The following ZNF804B variants were observed in gnomAD, a reference collection of about 807,000 sequenced individuals.
ZNF804B encodes zinc finger protein 804B.
A neutral mutation model predicts 101.4 loss-of-function variants in ZNF804B; 80 were observed. That is an observed-to-expected ratio of 0.79 (90% CI 0.66 to 0.95). The LOEUF (loss-of-function observed/expected upper bound fraction) is 0.95, where lower values mean the gene tolerates loss of function less well. Ranked by LOEUF, ZNF804B falls within the 40% of genes least tolerant of loss-of-function variation. The pLI is 0.00. For synonymous variants in ZNF804B, 622 were observed against 558.8 expected, an observed-to-expected ratio of 1.11 and a Z score of -1.59; for missense variants, 1,673 against 1,561.9, an observed-to-expected ratio of 1.07 and a Z score of -1.20.
intron 1 of ZNF804B, among the ~76,000 whole-genome samples, chr7:89,108,282 G>A (rs557328702): frequency 4.2e-4 from 63 of 148,618 alleles, no homozygotes; most frequent in African/African-American, 1.2e-3. Context: ...CTTTTATCTC[G>A]ACAGAAAGTA....
chr7:89,052,427 A>G (rs886980382), intron 1 of ZNF804B, among the ~76,000 whole-genome samples: 8 of 152,222 alleles, frequency 5.3e-5, no homozygotes, highest in African/African-American at 9.6e-5. Context: ...TAGATTGCAT[A>G]TATGAAATAG....
At chr7:88,772,922 T>G (rs866849900) in intron 1 of ZNF804B, among the ~76,000 whole-genome samples, 1 of 152,206 alleles carries the variant, frequency 6.6e-6, no homozygotes, top group East Asian at 1.9e-4. Context: ...TGGTGAAAGC[T>G]TCTTCCTTTT....
intron 2 of ZNF804B, among the ~76,000 whole-genome samples, chr7:89,299,122 A>G (rs1486762607): frequency 6.6e-6 from 1 of 151,978 alleles, no homozygotes; most frequent in Admixed American, 6.6e-5. Context: ...CTTAAGAACT[A>G]CCATATATAT....
intron 1 of ZNF804B, among the ~76,000 whole-genome samples, chr7:89,095,949 A>G (rs1279814505): frequency 6.6e-6 from 1 of 152,048 alleles, no homozygotes; most frequent in Non-Finnish European, 1.5e-5. Context: ...CAGGAGATCG[A>G]GACCATCTTG....
chr7:89,320,678 T>C (rs1790804988), intron 2 of ZNF804B, among the ~76,000 whole-genome samples: 1 of 151,996 alleles, frequency 6.6e-6, no homozygotes, highest in South Asian at 2.1e-4. Context: ...GCTCAGAGTA[T>C]CCCTAAAAGG....
intron 1 of ZNF804B, among the ~76,000 whole-genome samples, chr7:89,215,800 C>T (rs1052815663): frequency 1.3e-5 from 2 of 151,596 alleles, no homozygotes; most frequent in African/African-American, 4.8e-5. Flanking sequence ...AGGAGAATGG[C>T]GTGAAAACGG....
chr7:89,169,636 T>C (rs1464544178), intron 1 of ZNF804B, among the ~76,000 whole-genome samples: 1 of 152,218 alleles, frequency 6.6e-6, no homozygotes, highest in African/African-American at 2.4e-5. Context: ...ATTGTTCTCA[T>C]ACATAATTCG....
chr7:88,824,244 A>G (rs1791024442), intron 1 of ZNF804B, among the ~76,000 whole-genome samples: 1 of 152,014 alleles, frequency 6.6e-6, no homozygotes, highest in Non-Finnish European at 1.5e-5. Flanking sequence ...CCATAATCCC[A>G]CATGTTGTGG....
At chr7:88,809,918 C>A (rs368343144) in intron 1 of ZNF804B, among the ~76,000 whole-genome samples, 1 of 152,168 alleles carries the variant, frequency 6.6e-6, no homozygotes, top group African/African-American at 2.4e-5. Context: ...TAGCGATGGA[C>A]CAACCTGAGA....
chr7:89,012,011 A>C (rs1788471683), intron 1 of ZNF804B, among the ~76,000 whole-genome samples: 1 of 152,124 alleles, frequency 6.6e-6, no homozygotes, highest in African/African-American at 2.4e-5. Flanking sequence ...CTGAATATCC[A>C]AGCATTTCCG....
chr7:88,763,675 C>G (rs561868484), intron 1 of ZNF804B, among the ~76,000 whole-genome samples: 2 of 152,158 alleles, frequency 1.3e-5, no homozygotes, highest in South Asian at 4.1e-4. Flanking sequence ...ATCCCCGACT[C>G]TATCTAAACT....
intron 1 of ZNF804B, among the ~76,000 whole-genome samples, chr7:89,044,693 TG>T (rs1298704033): frequency 6.6e-6 from 1 of 152,196 alleles, no homozygotes; most frequent in East Asian, 1.9e-4. Context: ...GGTGACATTT[TG>T]CCCCTTCCCT....
At chr7:89,054,643 A>T (rs2188248) in intron 1 of ZNF804B, among the ~76,000 whole-genome samples, 116,434 of 151,904 alleles carry the variant, frequency 0.77, 44,697 homozygotes, top group African/African-American at 0.79. Flanking sequence ...CATTAGGAAA[A>T]AACAACTCTA....
chr7:89,313,339 C>A (rs566804275), intron 2 of ZNF804B, among the ~76,000 whole-genome samples: 1 of 152,296 alleles, frequency 6.6e-6, no homozygotes, highest in Admixed American at 6.5e-5. Flanking sequence ...ATCCTGGGAT[C>A]TGTAGATGAA....
At chr7:88,767,553 CT>C (rs1428566366) in intron 1 of ZNF804B, among the ~76,000 whole-genome samples, 1 of 152,288 alleles carries the variant, frequency 6.6e-6, no homozygotes, top group African/African-American at 2.4e-5. Context: ...CATGGGGCCT[CT>C]TTTTTTAAAT....
chr7:89,071,875 A>G (rs999251077), intron 1 of ZNF804B, among the ~76,000 whole-genome samples: 1 of 152,120 alleles, frequency 6.6e-6, no homozygotes, highest in South Asian at 2.1e-4. Flanking sequence ...CCTAATTGTG[A>G]GATCCTTATT....
intron 2 of ZNF804B, among the ~76,000 whole-genome samples, chr7:89,298,751 A>G (rs1049006153): frequency 2.0e-5 from 3 of 151,994 alleles, no homozygotes; most frequent in Non-Finnish European, 2.9e-5. Flanking sequence ...TATTTTTAGT[A>G]AATAGAAACA....
chr7:88,795,062 A>G, intron 1 of ZNF804B: 1 of 838,222 alleles, frequency 1.2e-6, no homozygotes, highest in Non-Finnish European at 1.8e-6. Context: ...AAAAAAAAAA[A>G]GAGTAAATCA....
rs1791520224 is a variant in ZNF804B, at chr7:88,854,527, T to TTTCCTTCCCTTCCTTCC, written c.108+94451_108+94452insCTTCCTTCCTTCCTTCC. On this transcript the variant is annotated intron_variant, in intron 1 of 3. Transcript: ENST00000333190. ...CTTTCCTTTCCTTTCCTTTCCTTCC[T>TTTCCTTCCCTTCCTTCC]TTCCTTCCTTCCTTCCTTCCTTCCT... 1.0e-4 allele frequency among the ~76,000 whole-genome samples: 4 copies of TTTCCTTCCCTTCCTTCC among 40,076 alleles called. No individual in the cohort carries two copies. The East Asian group carries it at 3.2e-3, about 32-fold the overall frequency. The allele number at this position is 40,076 out of a possible 152,430, so 26.3% of individuals were successfully genotyped here. A position where few individuals can be genotyped will look rare whatever the true frequency, so the allele number is the denominator to read the frequency against.
Sources: allele counts gnomAD v4.1 joint callset (sites outside exome capture counted in the v4.1 genomes callset), GRCh38; gene constraint gnomAD v4.1.1; transcripts MANE v1.5; gene names NCBI Gene and HGNC (gene_info 2026-07-23, HGNC 2026-07-21).